The following OPCML variants were observed in gnomAD, a reference collection of about 807,000 sequenced individuals.
The protein encoded by OPCML is opioid-binding protein/cell adhesion molecule.
In OPCML, 13 loss-of-function variants were observed where a neutral mutation model predicts 37.8. The observed-to-expected ratio is 0.34, with a 90% CI of 0.22 to 0.55. OPCML has a LOEUF of 0.55. OPCML is among the 20% of genes least tolerant of loss of function. OPCML has a pLI of 0.91. For synonymous variants in OPCML, 176 were observed against 168.8 expected (o/e 1.04, Z -0.33); for missense variants, 341 against 435.6 (o/e 0.78, Z 1.93).
chr11:133,367,147 T>C (rs1401328161), intron 1 of OPCML, among the ~76,000 whole-genome samples: 1 of 152,160 alleles, frequency 6.6e-6, no homozygotes, highest in African/African-American at 2.4e-5. Context: ...CCCAGCTAAC[T>C]TTTTTATTTC....
intron 1 of OPCML, among the ~76,000 whole-genome samples, chr11:133,214,151 C>T (rs1433098488): frequency 6.6e-6 from 1 of 151,422 alleles, no homozygotes; most frequent in African/African-American, 2.4e-5. Context: ...CATAACATTC[C>T]CAATTTTAAT....
chr11:132,791,192 C>T (rs550043427), intron 2 of OPCML, among the ~76,000 whole-genome samples: 19 of 152,298 alleles, frequency 1.2e-4, no homozygotes, highest in African/African-American at 4.3e-4. Context: ...AACTCGTCCA[C>T]GATCACACAC....
intron 3 of OPCML, among the ~76,000 whole-genome samples, chr11:132,614,325 G>A (rs1343664436): frequency 1.3e-5 from 2 of 152,100 alleles, no homozygotes; most frequent in African/African-American, 4.8e-5. Context: ...CTGTCACCAT[G>A]AAAATCATAC....
chr11:132,479,383 G>A (rs559358734), intron 4 of OPCML, among the ~76,000 whole-genome samples: 2 of 152,302 alleles, frequency 1.3e-5, no homozygotes, highest in East Asian at 3.9e-4. Flanking sequence ...TATGCCCACG[G>A]AATCTCGCTG....
At chr11:133,069,415 C>T (rs531212408) in intron 1 of OPCML, among the ~76,000 whole-genome samples, 22 of 152,252 alleles carry the variant, frequency 1.4e-4, no homozygotes, top group African/African-American at 5.1e-4. Flanking sequence ...AGAACTTTTC[C>T]AATCCAAGTG....
intron 2 of OPCML, among the ~76,000 whole-genome samples, chr11:132,680,617 T>A (rs1942901137): frequency 6.6e-6 from 1 of 152,212 alleles, no homozygotes; most frequent in Non-Finnish European, 1.5e-5. Flanking sequence ...CTACCTCAGC[T>A]GTAATTGTGA....
At chr11:133,006,082 G>T in intron 1 of OPCML, 1 of 985,420 alleles carries the variant, frequency 1.0e-6, no homozygotes, top group Non-Finnish European at 1.2e-6. Context: ...GCTCATAACA[G>T]TGAGACCAGG....
At chr11:133,410,397 A>G (rs1945620349) in intron 1 of OPCML, among the ~76,000 whole-genome samples, 1 of 151,944 alleles carries the variant, frequency 6.6e-6, no homozygotes, top group South Asian at 2.1e-4. Flanking sequence ...CTATGACTAC[A>G]TCTGTGGTTG....
chr11:132,832,998 C>A (rs990926264), intron 2 of OPCML, among the ~76,000 whole-genome samples: 1 of 152,136 alleles, frequency 6.6e-6, no homozygotes, highest in South Asian at 2.1e-4. Context: ...GGTGCTCTGG[C>A]TAAGTCAGTC....
chr11:133,026,569 TA>T (rs537523050), intron 1 of OPCML: 1,587 of 985,374 alleles, frequency 1.6e-3, no homozygotes, highest in Non-Finnish European at 1.7e-3. Context: ...AAATCTGGTC[TA>T]GGTGAAACTG....
intron 2 of OPCML, among the ~76,000 whole-genome samples, chr11:132,900,198 T>C (rs1243097465): frequency 6.6e-6 from 1 of 152,224 alleles, no homozygotes; most frequent in Non-Finnish European, 1.5e-5. Context: ...GGACTTATTA[T>C]AGGCTCATAA....
At chr11:132,480,936 C>T (rs370749393) in intron 4 of OPCML, among the ~76,000 whole-genome samples, 4 of 151,918 alleles carry the variant, frequency 2.6e-5, no homozygotes, top group African/African-American at 7.3e-5. Context: ...TAAAGACCAT[C>T]GAGACTAGGA....
chr11:133,253,007 G>A (rs533571843), intron 1 of OPCML, among the ~76,000 whole-genome samples: 3 of 152,086 alleles, frequency 2.0e-5, no homozygotes, highest in South Asian at 4.2e-4. Context: ...TTAGCTGGGC[G>A]TGGTGGTGGG....
chr11:132,556,391 G>A (rs2096395727), intron 3 of OPCML, among the ~76,000 whole-genome samples: 1 of 152,102 alleles, frequency 6.6e-6, no homozygotes, highest in Admixed American at 6.5e-5. Flanking sequence ...AACATTCAGG[G>A]TGTTTGCTTC....
intron 3 of OPCML, among the ~76,000 whole-genome samples, chr11:132,588,043 G>A (rs1219954218): frequency 1.3e-5 from 2 of 152,124 alleles, no homozygotes; most frequent in Non-Finnish European, 2.9e-5. Flanking sequence ...TTACATTATA[G>A]TTGCCACCAG....
chr11:133,398,372 A>C (rs1020411053), intron 1 of OPCML, among the ~76,000 whole-genome samples: 1 of 152,124 alleles, frequency 6.6e-6, no homozygotes, highest in Non-Finnish European at 1.5e-5. Flanking sequence ...CCATCTCTCA[A>C]GGCATCACTA....
intron 1 of OPCML, among the ~76,000 whole-genome samples, chr11:133,453,339 A>C (rs1392041556): frequency 6.6e-6 from 1 of 152,232 alleles, no homozygotes; most frequent in East Asian, 1.9e-4. Context: ...TACTATAATC[A>C]TAGAAAAGGG....
At chr11:133,017,320 C>T (rs1379834787) in intron 1 of OPCML, among the ~76,000 whole-genome samples, 4 of 152,148 alleles carry the variant, frequency 2.6e-5, no homozygotes, top group Non-Finnish European at 5.9e-5. Context: ...TACAGTCTGT[C>T]CAGGTATTAC....
intron 2 of OPCML, among the ~76,000 whole-genome samples, chr11:132,936,637 T>A (rs992767208): frequency 6.6e-6 from 1 of 152,028 alleles, no homozygotes; most frequent in Non-Finnish European, 1.5e-5. Context: ...TCTCTAAACT[T>A]CTCTACCGGG....
Sources: gnomAD v4.1 joint callset for allele counts (sites outside exome capture counted in the v4.1 genomes callset) on GRCh38, gnomAD v4.1.1 for gene constraint, MANE v1.5 for transcripts, NCBI Gene and HGNC (gene_info 2026-07-23, HGNC 2026-07-21) for gene names.